PAK3: variants seen among roughly 807,000 people sequenced by gnomAD.
PAK3 encodes the protein serine/threonine-protein kinase PAK 3.
A neutral mutation model predicts 41.0 loss-of-function variants in PAK3; 4 were observed. The observed-to-expected ratio is 0.10, with a 90% confidence interval of 0.05 to 0.22. The LOEUF is 0.22. Ranked by LOEUF, PAK3 falls within the 10% of genes least tolerant of loss-of-function variation. PAK3 has a pLI of 1.00. For synonymous variants in PAK3, 146 were observed against 139.6 expected, an observed-to-expected ratio of 1.05 and a Z score of -0.32; for missense variants, 205 against 409.9, an observed-to-expected ratio of 0.50 and a Z score of 4.32.
intron 1 of PAK3, among the ~76,000 whole-genome samples, chrX:111,024,264 G>C (rs755287209): frequency 1.8e-5 from 2 of 111,396 alleles, no homozygotes; most frequent in East Asian, 2.8e-4. Context: ...TCTCTGTGTT[G>C]GTACAGGACC....
chrX:111,164,862 G>A (rs751821419), intron 10 of PAK3, among the ~76,000 whole-genome samples: 1 of 111,469 alleles, frequency 9.0e-6, no homozygotes, highest in Non-Finnish European at 1.9e-5. Context: ...AGATAATCTC[G>A]TTTCATGCAT....
chrX:111,018,715 CTT>C (rs2092127695), intron 1 of PAK3, among the ~76,000 whole-genome samples: 2 of 111,718 alleles, frequency 1.8e-5, no homozygotes, highest in Non-Finnish European at 3.8e-5. Context: ...ACCCCAGTGA[CTT>C]TTGTTGCAGA....
chrX:111,083,529 A>T (rs1224336596), intron 1 of PAK3, among the ~76,000 whole-genome samples: 3 of 112,293 alleles, frequency 2.7e-5, no homozygotes, highest in Non-Finnish European at 5.6e-5. Context: ...TCCCAGATTT[A>T]TTCATATGAA....
At chrX:110,958,827 A>C (rs180905525) in intron 1 of PAK3, among the ~76,000 whole-genome samples, 1 of 111,681 alleles carries the variant, frequency 9.0e-6, no homozygotes, top group East Asian at 2.8e-4. Context: ...TCCCCAAGGC[A>C]CCCAAGATAT....
At chrX:111,135,755 A>C (rs1464158460) in intron 5 of PAK3, among the ~76,000 whole-genome samples, 1 of 111,559 alleles carries the variant, frequency 9.0e-6, no homozygotes, top group Non-Finnish European at 1.9e-5. Context: ...ACTTCAGGGG[A>C]GTCATTACAC....
chrX:111,044,480 T>G (rs1408972506), intron 1 of PAK3, among the ~76,000 whole-genome samples: 1 of 112,016 alleles, frequency 8.9e-6, no homozygotes, highest in Non-Finnish European at 1.9e-5. Flanking sequence ...GGTGTCAAGA[T>G]TCCTGGTCTT....
chrX:111,084,105 G>A (rs1261585628), intron 1 of PAK3, among the ~76,000 whole-genome samples: 2 of 112,613 alleles, frequency 1.8e-5, no homozygotes, highest in Non-Finnish European at 1.9e-5. Context: ...CATTTCTTGC[G>A]GTATAAAATT....
chrX:111,174,610 A>G (rs1053082656), intron 11 of PAK3, among the ~76,000 whole-genome samples: 1 of 112,190 alleles, frequency 8.9e-6, no homozygotes, highest in African/African-American at 3.2e-5. Flanking sequence ...GATGTTCTAT[A>G]TCTGTGCTGT....
intron 1 of PAK3, among the ~76,000 whole-genome samples, chrX:111,068,839 A>G (rs2092720627): frequency 8.9e-6 from 1 of 112,433 alleles, no homozygotes. Context: ...GTTATTTAAA[A>G]GTGTGTTTAT....
intron 1 of PAK3, among the ~76,000 whole-genome samples, chrX:111,048,912 A>T (rs1243325539): frequency 8.9e-6 from 1 of 111,955 alleles, no homozygotes; most frequent in African/African-American, 3.2e-5. Flanking sequence ...CATGTCACTC[A>T]TCTGCTTGAA....
chrX:110,956,358 C>T (rs764002332), intron 1 of PAK3, among the ~76,000 whole-genome samples: 2 of 111,725 alleles, frequency 1.8e-5, no homozygotes, highest in African/African-American at 3.3e-5. Context: ...TATTATCATT[C>T]GGTTGCCATC....
At chrX:111,171,056 C>T (rs763842282) in intron 10 of PAK3, among the ~76,000 whole-genome samples, 13 of 110,671 alleles carry the variant, frequency 1.2e-4, no homozygotes, top group African/African-American at 4.2e-4. Context: ...AGTATGGTCC[C>T]CCTTTTCCAA....
chrX:111,114,237 C>T (rs1001901637), intron 4 of PAK3, among the ~76,000 whole-genome samples: 1 of 111,805 alleles, frequency 8.9e-6, no homozygotes, highest in Non-Finnish European at 1.9e-5. Flanking sequence ...AATGTGTGGC[C>T]AGGAATGAAA....
intron 1 of PAK3, among the ~76,000 whole-genome samples, chrX:111,091,040 A>T (rs1039057097): frequency 8.9e-6 from 1 of 111,952 alleles, no homozygotes; most frequent in African/African-American, 3.3e-5. Context: ...ATGTGGTTTG[A>T]TATGTAGGAC....
chrX:110,979,296 C>CTTTTTTT (rs869275249), intron 1 of PAK3, among the ~76,000 whole-genome samples: 7 of 9,054 alleles, frequency 7.7e-4, no homozygotes, highest in African/African-American at 1.2e-3. Flanking sequence ...TATTACTTTT[C>CTTTTTTT]TTTTTTTTTT....
chrX:111,119,235 A>G (rs755588081), intron 4 of PAK3, among the ~76,000 whole-genome samples: 14 of 112,286 alleles, frequency 1.2e-4, no homozygotes, highest in Non-Finnish European at 1.9e-5. Flanking sequence ...GCTAAACCAC[A>G]TTAAGTCCCA....
At chrX:110,972,132 C>CTCTA (rs1227880420) in intron 1 of PAK3, among the ~76,000 whole-genome samples, 1 of 109,601 alleles carries the variant, frequency 9.1e-6, no homozygotes, top group East Asian at 2.9e-4. Flanking sequence ...ATCTCTCTCT[C>CTCTA]TATATATGTA....
At chrX:111,021,074 C>A (rs951474348) in intron 1 of PAK3, among the ~76,000 whole-genome samples, 3 of 111,680 alleles carry the variant, frequency 2.7e-5, no homozygotes, top group African/African-American at 9.8e-5. Context: ...CTCTACCTGC[C>A]CCCGGGAAGA....
rs746426760 is a variant in PAK3, at chrX:111,216,549, G to A, written c.1536G>A (p.Glu512=). Residue 512 remains glutamate (E), a synonymous_variant, in exon 17 of 18, where the codon GAG becomes GAA. Transcript: ENST00000372007. ...TGGATAGGCGAGGATCTGCCAAGGA[G>A]CTTTTGCAGGTGAAAATAAAATAGG... is the stretch of plus-strand genomic sequence containing the variant. The part of the protein sequence containing the change: ...MDVDRRGSAK[E]LLQHPFLKLA... The A allele has an allele frequency of 8.3e-7, 1 of 1,199,593 alleles. No individual in the cohort carries two copies. Among genetic ancestry groups the A allele is most frequent in the Non-Finnish European group, 1.1e-6 (1 of 884,579 alleles).
Sources: allele counts gnomAD v4.1 joint callset (sites outside exome capture counted in the v4.1 genomes callset), GRCh38; gene constraint gnomAD v4.1.1; transcripts MANE v1.5; gene names NCBI Gene and HGNC (gene_info 2026-07-23, HGNC 2026-07-21).